UCHL3: variants seen among roughly 807,000 people sequenced by gnomAD.
UCHL3 encodes ubiquitin C-terminal hydrolase L3, also known as ubiquitin carboxyl-terminal hydrolase isozyme L3.
UCHL3 carries 22 observed loss-of-function variants against 35.8 expected under a neutral mutation model. The observed-to-expected ratio is 0.61, with a 90% CI of 0.44 to 0.88. UCHL3 has a LOEUF of 0.88. UCHL3 is among the 40% of genes least tolerant of loss of function. The pLI, the probability that UCHL3 is intolerant of heterozygous loss-of-function variation, is 0.00. For missense variants in UCHL3, 229 were observed against 276.9 expected (o/e 0.83, Z 1.23); for synonymous variants, 90 against 92.8 (o/e 0.97, Z 0.17).
chr13:75,560,216 T>C (rs1388841871), intron 2 of UCHL3, among the ~76,000 whole-genome samples: 1 of 152,156 alleles, frequency 6.6e-6, no homozygotes, highest in Non-Finnish European at 1.5e-5. Flanking sequence ...TTTTGGTAAA[T>C]AGGATAAACT....
At chr13:75,576,172 G>A (rs1055547391) in intron 6 of UCHL3, among the ~76,000 whole-genome samples, 9 of 152,156 alleles carry the variant, frequency 5.9e-5, no homozygotes, top group Admixed American at 3.9e-4. Flanking sequence ...GATTGTGTGA[G>A]AAATAGTAAA....
intron 6 of UCHL3, among the ~76,000 whole-genome samples, chr13:75,578,784 T>G (rs2032098860): frequency 6.6e-6 from 1 of 152,118 alleles, no homozygotes; most frequent in African/African-American, 2.4e-5. Flanking sequence ...ATTTGACCAC[T>G]GGGGTAAACA....
chr13:75,595,457 C>T (rs1214735372), intron 7 of UCHL3, among the ~76,000 whole-genome samples: 2 of 151,766 alleles, frequency 1.3e-5, no homozygotes, highest in Non-Finnish European at 2.9e-5. Flanking sequence ...ATTAGCCCGG[C>T]GTGGTGGCAC....
intron 6 of UCHL3, among the ~76,000 whole-genome samples, chr13:75,592,452 A>ACATATATATATATGTATATATG (rs2032527961): frequency 2.6e-5 from 3 of 114,832 alleles, no homozygotes; most frequent in Non-Finnish European, 3.7e-5. Context: ...ATATATATAT[A>ACATATATATATATGTATATATG]TATATATATA....
intron 6 of UCHL3, among the ~76,000 whole-genome samples, chr13:75,570,260 C>T (rs956945592): frequency 1.3e-5 from 2 of 151,384 alleles, no homozygotes; most frequent in Admixed American, 6.6e-5. Context: ...TTTTTTGAGA[C>T]AGAGTCTTGC....
At chr13:75,558,774 CAGCCA>C (rs998550776) in intron 2 of UCHL3, among the ~76,000 whole-genome samples, 2 of 152,112 alleles carry the variant, frequency 1.3e-5, no homozygotes, top group African/African-American at 4.8e-5. Context: ...GTCTGTGATT[CAGCCA>C]TGTACAGTGC....
chr13:75,576,896 A>G (rs565011699), intron 6 of UCHL3, among the ~76,000 whole-genome samples: 1 of 152,316 alleles, frequency 6.6e-6, no homozygotes, highest in South Asian at 2.1e-4. Context: ...AAATGAATGT[A>G]TACAGTTGGC....
At position 75,604,834 on chromosome 13, in the gene UCHL3, G is replaced by A; in HGVS notation, c.609+7G>A. ...TGATGAAACTTTATTAGAGGTAACA[G>A]TAACACTTGTTGGCCCATCTTCATC... On this transcript the variant is annotated splice_region_variant and intron_variant, in intron 8 of 8. Coordinates refer to ENST00000377595, the MANE Select transcript of UCHL3 (RefSeq NM_006002.5). 1.9e-6 allele frequency: 3 copies of A among 1,588,672 alleles called. No homozygotes were observed. Among genetic ancestry groups the A allele is most frequent in the Non-Finnish European group, 2.6e-6 (3 of 1,167,658 alleles).
chr13:75,598,092 AATT>A (rs2032690587), intron 7 of UCHL3, among the ~76,000 whole-genome samples: 1 of 152,194 alleles, frequency 6.6e-6, no homozygotes, highest in Non-Finnish European at 1.5e-5. Flanking sequence ...TTAACTAATA[AATT>A]ATTGTCTACC....
chr13:75,564,303 A>T (rs1329847813), intron 3 of UCHL3, among the ~76,000 whole-genome samples: 1 of 151,858 alleles, frequency 6.6e-6, no homozygotes, highest in Non-Finnish European at 1.5e-5. Flanking sequence ...GGTGCCTGCC[A>T]CCACGCCCGG....
chr13:75,566,874 AT>A, intron 4 of UCHL3, 23 bp downstream of exon 4: 2 of 1,575,104 alleles, frequency 1.3e-6, no homozygotes, highest in African/African-American at 1.4e-5. Flanking sequence ...TCATTACTGC[AT>A]TTTTTCCCCC....
At chr13:75,583,915 A>T (rs751063848) in intron 6 of UCHL3, among the ~76,000 whole-genome samples, 2 of 152,230 alleles carry the variant, frequency 1.3e-5, no homozygotes, top group Non-Finnish European at 2.9e-5. Context: ...GAGAGCTCAT[A>T]TCCACTCTCT....
intron 3 of UCHL3, among the ~76,000 whole-genome samples, chr13:75,564,497 G>C (rs758512946): frequency 5.3e-5 from 8 of 152,022 alleles, no homozygotes; most frequent in African/African-American, 7.2e-5. Context: ...CCTTTACAAG[G>C]TGATTGTCTC....
intron 2 of UCHL3, among the ~76,000 whole-genome samples, chr13:75,559,413 T>C (rs2031418312): frequency 6.6e-6 from 1 of 152,130 alleles, no homozygotes; most frequent in Admixed American, 6.5e-5. Context: ...CACATTCTTC[T>C]AAGAAAGTTT....
At position 75,560,749 on chromosome 13, in the gene UCHL3, C is replaced by T; in HGVS notation, c.55-4C>T. On this transcript the variant is annotated splice_region_variant and splice_polypyrimidine_tract_variant and intron_variant, in intron 2 of 8. Transcript: ENST00000377595. ...GTTTTTTTTTTCTTTCTTTCTTTTA[C>T]CAGTTTCTTAAACAATTAGGTCTAC... 8.2e-6 allele frequency: 13 copies of T among 1,590,620 alleles called. No individual in the cohort carries two copies. Among genetic ancestry groups the T allele is most frequent in the Non-Finnish European group, 1.1e-5 (13 of 1,172,218 alleles).
At position 75,560,834 on chromosome 13, in the gene UCHL3, C is replaced by T; in HGVS notation, c.136C>T (p.Pro46Ser). Residue 46 changes from proline to serine, a missense_variant, in exon 3 of 9, where the codon CCA (proline) becomes TCA (serine). By Grantham distance (74) the Pro-to-Ser change is moderately conservative. Transcript: ENST00000377595. ...GMDPELLSMV[P>S]RPVCAVLLLF... is the part of the protein sequence containing the mutation. ...GGATCCTGAACTCCTTAGCATGGTA[C>T]CAAGACCAGTCTGTGCAGTCTTACT... The T allele has an allele frequency of 6.4e-7, 1 of 1,563,034 alleles. No individual in the cohort carries two copies. The highest frequency in any genetic ancestry group is 1.4e-5 in the African/African-American group (1 of 70,688).
At chr13:75,558,087 G>A (rs1005228951) in intron 2 of UCHL3, among the ~76,000 whole-genome samples, 1 of 151,958 alleles carries the variant, frequency 6.6e-6, no homozygotes, top group Non-Finnish European at 1.5e-5. Context: ...TGGTGAGCCT[G>A]ACTCATGGCA....
intron 3 of UCHL3, among the ~76,000 whole-genome samples, chr13:75,565,578 C>T (rs1278243723): frequency 6.6e-6 from 1 of 152,144 alleles, no homozygotes. Flanking sequence ...ATATTTTCAG[C>T]TTTGCAGGCC....
intron 6 of UCHL3, among the ~76,000 whole-genome samples, chr13:75,590,554 C>T (rs1341173370): frequency 6.6e-6 from 1 of 152,098 alleles, no homozygotes; most frequent in Non-Finnish European, 1.5e-5. Flanking sequence ...TGTTTCTGAG[C>T]ATGACTTTAG....
Sources: gnomAD v4.1 joint callset for allele counts (sites outside exome capture counted in the v4.1 genomes callset) on GRCh38, gnomAD v4.1.1 for gene constraint, MANE v1.5 for transcripts, NCBI Gene and HGNC (gene_info 2026-07-23, HGNC 2026-07-21) for gene names.